FSD1L: variants seen among roughly 807,000 people sequenced by gnomAD.
FSD1L encodes fibronectin type III and SPRY domain containing 1 like.
In FSD1L, 45 loss-of-function variants were observed where a neutral mutation model predicts 71.6. The observed-to-expected ratio is 0.63, with a 90% confidence interval of 0.49 to 0.81. The LOEUF is 0.81. FSD1L is among the 30% of genes least tolerant of loss of function. FSD1L has a pLI of 0.00. For missense variants in FSD1L, 561 were observed against 618.1 expected (o/e 0.91, Z 0.98); for synonymous variants, 197 against 207.2 (o/e 0.95, Z 0.42).
chr9:105,525,712 A>G, intron 10 of FSD1L: 2 of 1,606,208 alleles, frequency 1.2e-6, no homozygotes, highest in South Asian at 2.2e-5. Flanking sequence ...ACAAGAAGAC[A>G]AACACTCCAT....
At chr9:105,507,167 G>T (rs1298315610) in intron 8 of FSD1L, among the ~76,000 whole-genome samples, 1 of 152,174 alleles carries the variant, frequency 6.6e-6, no homozygotes. Context: ...CCATTTCACT[G>T]ATAATGTAAA....
intron 10 of FSD1L, chr9:105,520,931 A>G: frequency 2.5e-6 from 4 of 1,612,032 alleles, no homozygotes; most frequent in Non-Finnish European, 3.4e-6. Flanking sequence ...AAAGTTTAGA[A>G]TGGAAGAACA....
chr9:105,451,775 G>A (rs113654075), intron 1 of FSD1L, among the ~76,000 whole-genome samples: 1 of 152,080 alleles, frequency 6.6e-6, no homozygotes, highest in African/African-American at 2.4e-5. Flanking sequence ...AAATGTGCAC[G>A]TTCAAAGAAA....
At chr9:105,542,065 A>G (rs1481985754) in intron 13 of FSD1L, among the ~76,000 whole-genome samples, 1 of 152,224 alleles carries the variant, frequency 6.6e-6, no homozygotes, top group East Asian at 1.9e-4. Flanking sequence ...GCAGTTATGA[A>G]TAAAATCACT....
intron 7 of FSD1L, among the ~76,000 whole-genome samples, chr9:105,496,028 A>G (rs760999903): frequency 2.0e-5 from 3 of 151,508 alleles, no homozygotes; most frequent in Non-Finnish European, 2.9e-5. Flanking sequence ...TTTCTTTTGC[A>G]AATATTGTCT....
chr9:105,495,558 C>T lies in FSD1L; in HGVS notation c.587-10841C>T, dbSNP rs193035785. On this transcript the variant is annotated intron_variant, in intron 7 of 13. Coordinates refer to ENST00000481272, the MANE Select transcript of FSD1L (RefSeq NM_001145313.3). ...CCCTAGTGAGATGAACCCGGTACCT[C>T]AGATGGAAATGCAGAAATCACCTGT... Among the ~76,000 whole-genome samples, 574 of 152,330 alleles carry T rather than the reference C, an allele frequency of 3.8e-3. 7 individuals carry two copies. Among genetic ancestry groups the T allele is most frequent in the African/African-American group, 0.013 (542 of 41,572 alleles).
chr9:105,452,406 G>A (rs1830064901), intron 1 of FSD1L, among the ~76,000 whole-genome samples: 1 of 152,194 alleles, frequency 6.6e-6, no homozygotes, highest in Non-Finnish European at 1.5e-5. Context: ...AGCCCAGAGA[G>A]GTTAAGTGTC....
rs965172274 is a variant in FSD1L, at chr9:105,548,194, A to G, written c.*1711A>G. ...CAATAGATACTCTTTTGATTCTCCAAAGAAATATAATTTTGGTTTTTGTTC... is the reference window on the plus strand; with the variant it reads ...CAATAGATACTCTTTTGATTCTCCAGAGAAATATAATTTTGGTTTTTGTTC... On this transcript the variant is annotated 3_prime_UTR_variant, in exon 14 of 14. Coordinates refer to ENST00000481272, the MANE Select transcript of FSD1L (RefSeq NM_001145313.3). 2 of 152,118 alleles carry G rather than the reference A, an allele frequency of 1.3e-5. No homozygotes were observed. The highest frequency in any genetic ancestry group is 2.9e-5 in the Non-Finnish European group (2 of 67,978). 9.4% of individuals were successfully genotyped at this position (152,118 alleles called of 1,614,324 possible). A position where few individuals can be genotyped will look rare whatever the true frequency, so the allele number is the denominator to read the frequency against.
chr9:105,517,794 A>G (rs925124156), intron 10 of FSD1L, among the ~76,000 whole-genome samples: 1 of 152,254 alleles, frequency 6.6e-6, no homozygotes, highest in South Asian at 2.1e-4. Flanking sequence ...TGACAGGATC[A>G]AGTTCACACA....
chr9:105,442,916 C>T (rs1829565632), upstream of FSD1L, among the ~76,000 whole-genome samples: 1 of 152,160 alleles, frequency 6.6e-6, no homozygotes, highest in Non-Finnish European at 1.5e-5. Flanking sequence ...TCTAATTATA[C>T]CTATGGGATG....
chr9:105,521,634 G>C, intron 10 of FSD1L: 1 of 1,613,264 alleles, frequency 6.2e-7, no homozygotes, highest in Non-Finnish European at 8.5e-7. Flanking sequence ...CACTTCTTCA[G>C]ACCTCCCTTG....
intron 7 of FSD1L, among the ~76,000 whole-genome samples, chr9:105,489,759 G>A (rs150168616): frequency 0.012 from 1,801 of 152,196 alleles, 53 homozygotes; most frequent in African/African-American, 0.042. Context: ...TGCGGTGTTA[G>A]GTTTTTTGTT....
At chr9:105,533,339 G>T (rs1836020274) in intron 10 of FSD1L, among the ~76,000 whole-genome samples, 1 of 145,116 alleles carries the variant, frequency 6.9e-6, no homozygotes, top group South Asian at 2.3e-4. Flanking sequence ...GGTGGATCTT[G>T]TCTATTTGAG....
At chr9:105,475,096 G>C (rs1364514778) in intron 5 of FSD1L, among the ~76,000 whole-genome samples, 1 of 152,142 alleles carries the variant, frequency 6.6e-6, no homozygotes, top group Non-Finnish European at 1.5e-5. Flanking sequence ...ACACTGCTTG[G>C]ATCCTTTACC....
At chr9:105,494,605 T>C (rs1371991283) in intron 7 of FSD1L, among the ~76,000 whole-genome samples, 4 of 152,214 alleles carry the variant, frequency 2.6e-5, no homozygotes, top group African/African-American at 7.2e-5. Context: ...AGTTTTTCTG[T>C]TCTGTTTTTT....
intron 6 of FSD1L, among the ~76,000 whole-genome samples, chr9:105,482,115 G>C (rs1832246312): frequency 6.6e-6 from 1 of 152,134 alleles, no homozygotes; most frequent in Non-Finnish European, 1.5e-5. Flanking sequence ...GATTTTAAGG[G>C]AGAATGTGTA....
chr9:105,507,887 TTC>T lies in FSD1L; in HGVS notation c.797-728_797-727del, dbSNP rs1222132474. Among the ~76,000 whole-genome samples, 282 of 102,010 alleles carry T rather than the reference TTC, an allele frequency of 2.8e-3. 4 individuals carry two copies. Among genetic ancestry groups the T allele is most frequent in the African/African-American group, 0.012 (270 of 23,018 alleles). The allele number at this position is 102,010 out of a possible 152,430, so 66.9% of individuals were successfully genotyped here. A position where few individuals can be genotyped will look rare whatever the true frequency, so the allele number is the denominator to read the frequency against. On this transcript the variant is annotated intron_variant, in intron 8 of 13. Transcript: ENST00000481272. ...TCCTCTTATTTTGAGCATATCACTC[TTC>T]TTTTTTTTTTTTTTTTTTTGAGACA...
chr9:105,520,718 C>A, intron 10 of FSD1L: 1 of 1,613,162 alleles, frequency 6.2e-7, no homozygotes, highest in East Asian at 2.2e-5. Context: ...CATGCTTAAT[C>A]CCTGGATTTT....
At chr9:105,499,862 T>C (rs1319513762) in intron 7 of FSD1L, among the ~76,000 whole-genome samples, 1 of 152,192 alleles carries the variant, frequency 6.6e-6, no homozygotes, top group Non-Finnish European at 1.5e-5. Flanking sequence ...TATTCTGTTC[T>C]GTGGGGTTTC....
Sources: gnomAD v4.1 joint callset for allele counts (sites outside exome capture counted in the v4.1 genomes callset) on GRCh38, gnomAD v4.1.1 for gene constraint, MANE v1.5 for transcripts, NCBI Gene and HGNC (gene_info 2026-07-23, HGNC 2026-07-21) for gene names.